The following NBPF20 variants were observed in gnomAD, a reference collection of about 807,000 sequenced individuals.
NBPF20 encodes the protein NBPF family member NBPF20.
In NBPF20, 90 loss-of-function variants were observed where a neutral mutation model predicts 68.1. That is an observed-to-expected ratio of 1.32 (90% CI 1.11 to 1.58). The LOEUF is 1.58. Ranked by LOEUF, NBPF20 falls within the 40% of genes most tolerant of loss-of-function variation. The pLI is 0.00. For missense variants in NBPF20, 816 were observed against 601.2 expected (o/e 1.36, Z -3.74); for synonymous variants, 290 against 228.1 (o/e 1.27, Z -2.45).
exon 138 of NBPF20, chr1:145,290,339 CA>C (rs1660985715): frequency 6.7e-6 from 1 of 149,426 alleles, no homozygotes. Context: ...ACCAAGTAAC[CA>C]GTCCTGATAT....
upstream of NBPF20, chr1:145,405,610 C>CT (rs1553667062): frequency 9.0e-6 from 6 of 667,698 alleles, no homozygotes; most frequent in Non-Finnish European, 1.5e-5. Context: ...GTCATGGAAT[C>CT]TTAGGAGCCC....
chr1:145,408,495 C>A (rs1571383967), upstream of NBPF20, among the ~76,000 whole-genome samples: 4 of 152,106 alleles, frequency 2.6e-5, no homozygotes, highest in South Asian at 8.3e-4. Context: ...AATACTTACA[C>A]CATTACTACT....
chr1:145,403,760 T>C (rs1261951032), intron 2 of NBPF20, among the ~76,000 whole-genome samples: 59 of 149,322 alleles, frequency 4.0e-4, no homozygotes, highest in African/African-American at 1.0e-3. Context: ...GACAAGTATG[T>C]GAAAGATTTT....
chr1:145,366,541 G>C (rs1367910753), intron 43 of NBPF20, among the ~76,000 whole-genome samples, 189 bp from the exon 49 acceptor site: 1 of 92,478 alleles, frequency 1.1e-5, no homozygotes, highest in Non-Finnish European at 2.2e-5. Flanking sequence ...GAAAGAGAAA[G>C]ACAGATAGAC....
At chr1:145,393,469 A>ACACACACACACACACACACC (rs1662031426) in intron 9 of NBPF20, among the ~76,000 whole-genome samples, 1 of 144,312 alleles carries the variant, frequency 6.9e-6, no homozygotes, top group Non-Finnish European at 1.6e-5. Flanking sequence ...ACACACACAC[A>ACACACACACACACACACACC]CACACACACA....
At position 145,393,708 on chromosome 1, in the gene NBPF20, G is replaced by A. The variant is rs1278305123; in HGVS notation, c.1043+176C>T. ...CTAGGTTAGTAAATGATAAGGGTAG[G>A]AAGAAATGGAAACCTAAACATGTAC... On this transcript the variant is annotated intron_variant, in intron 9 of 137. Coordinates refer to ENST00000369373, the Ensembl canonical transcript of NBPF20. 15 of 1,478,788 alleles carry A rather than the reference G, an allele frequency of 1.0e-5. No homozygotes were observed. The East Asian group carries it at 2.1e-4, about 20-fold the overall frequency. 91.6% of individuals were successfully genotyped at this position (1,478,788 alleles called of 1,614,324 possible).
At chr1:145,410,046 T>C (rs376426231), upstream of NBPF20, among the ~76,000 whole-genome samples, 3 of 152,046 alleles carry the variant, frequency 2.0e-5, no homozygotes, top group African/African-American at 7.2e-5. Flanking sequence ...TGTAAATTCC[T>C]AGGAATGGAA....
chr1:145,405,205 T>A, exon 2 of NBPF20: 1 of 1,611,776 alleles, frequency 6.2e-7, no homozygotes. Context: ...GGGGCGCAAT[T>A]TCTCGTTGAT....
At chr1:145,423,546 T>A in the NBPF20 span, among the ~76,000 whole-genome samples, 1 of 151,388 alleles carries the variant, frequency 6.6e-6, no homozygotes, top group African/African-American at 2.4e-5. Context: ...TACATATATA[T>A]CGTAGAAAGG....
intron 3 of NBPF20, 27 bp from the exon 9 acceptor site, chr1:145,402,408 A>C: frequency 1.2e-6 from 2 of 1,604,542 alleles, no homozygotes; most frequent in Non-Finnish European, 8.5e-7. Context: ...GAGAAAATTT[A>C]AGAGTGGAAA....
chr1:145,292,619 T>C (rs188345641), intron 136 of NBPF20, 130 bp from the exon 142 acceptor site: 3 of 744,690 alleles, frequency 4.0e-6, no homozygotes, highest in South Asian at 1.4e-5. Context: ...GAGAGATATA[T>C]TTCAGGAGGC....
Position 145,289,999 on chromosome 1 carries a change from CCA to C in NBPF20, c.*1525_*1526del, listed in dbSNP as rs1660955832. 6.8e-6 allele frequency: 1 copy of C among 146,026 alleles called. No homozygotes were observed. The highest frequency in any genetic ancestry group is 2.2e-4 in the South Asian group (1 of 4,626). 9.0% of individuals were successfully genotyped at this position (146,026 alleles called of 1,614,324 possible). On this transcript the variant is annotated 3_prime_UTR_variant, in exon 138 of 138. Coordinates refer to ENST00000369373, the Ensembl canonical transcript of NBPF20. ...TGAATGTAAAAAACAATCCAGAAGT[CCA>C]GAGTGATAGGCAAAAGGTTTTAATT...
At chr1:145,394,694 G>C (rs1418168218) in intron 8 of NBPF20, among the ~76,000 whole-genome samples, 1 of 151,910 alleles carries the variant, frequency 6.6e-6, no homozygotes, top group Non-Finnish European at 1.5e-5. Context: ...GTGCTGCATA[G>C]TTTGGTGTGA....
upstream of NBPF20, among the ~76,000 whole-genome samples, chr1:145,407,184 C>T (rs1244785179): frequency 3.3e-5 from 5 of 150,134 alleles, no homozygotes; most frequent in South Asian, 4.2e-4. Flanking sequence ...CATTTAGAAG[C>T]GGCGGTGCGA....
chr1:145,291,911 G>T (rs1407362706), intron 137 of NBPF20, 142 bp from the exon 143 acceptor site: 4 of 1,540,178 alleles, frequency 2.6e-6, no homozygotes, highest in Admixed American at 4.0e-5. Flanking sequence ...AAAATTTATT[G>T]CCTATATGTT....
chr1:145,393,137 G>T (rs1429343710), exon 10 of NBPF20: 15 of 667,112 alleles, frequency 2.2e-5, no homozygotes, highest in Non-Finnish European at 3.8e-5. Context: ...CTTCTGTAGG[G>T]CTGGCATGAG....
Position 145,400,308 on chromosome 1 carries a change from T to A in NBPF20, c.775+78A>T, listed in dbSNP as rs1364292358. The A allele has an allele frequency of 1.8e-3, 2,928 of 1,597,954 alleles. 58 individuals are homozygous for A. In the South Asian group the frequency reaches 0.031, roughly 17 times the overall value. The stretch of plus-strand genomic sequence containing the variant: ...ATCACAGTTTTTTATTCAAATGAAT[T>A]TGTGTTTATAGAGCCTGTCTTCAGA... On this transcript the variant is annotated intron_variant, in intron 6 of 137. Transcript: ENST00000369373.
Position 145,291,960 on chromosome 1 carries a change from AAGACAGAGAGAGAGAGACAG to A in NBPF20, c.16698-211_16698-192del, listed in dbSNP as rs1158930294. On this transcript the variant is annotated intron_variant, in intron 137 of 137. Coordinates refer to ENST00000369373, the Ensembl canonical transcript of NBPF20. ...GCCAGGTAGAAAACAATGAAAGAGAAAGACAGAGAGAGAGAGACAGAGACAGAGAGAGAGAGAAAGTGACC... is the reference window on the plus strand; with the variant it reads ...GCCAGGTAGAAAACAATGAAAGAGAAAGACAGAGAGAGAGAGAAAGTGACC... Among the ~76,000 whole-genome samples, 7 of 150,978 alleles carry A rather than the reference AAGACAGAGAGAGAGAGACAG, an allele frequency of 4.6e-5. No individual in the cohort carries two copies. The East Asian group carries it at 7.8e-4, about 17-fold the overall frequency.
chr1:145,393,170 A>G (rs1661994259), exon 10 of NBPF20: 2 of 609,246 alleles, frequency 3.3e-6, no homozygotes, highest in South Asian at 3.9e-5. Context: ...AGACAACCTG[A>G]AGGAGTTGAA....
Sources: gnomAD v4.1 joint callset for allele counts (sites outside exome capture counted in the v4.1 genomes callset) on GRCh38, gnomAD v4.1.1 for gene constraint, MANE v1.5 for transcripts, NCBI Gene and HGNC (gene_info 2026-07-23, HGNC 2026-07-21) for gene names.